Variants in TEAD1 observed in about 807,000 individuals in gnomAD.
TEAD1 encodes TEA domain transcription factor 1, also known as transcriptional enhancer factor TEF-1.
In TEAD1, 9 loss-of-function variants were observed where a neutral mutation model predicts 54.9. The ratio of observed to expected loss-of-function variants is 0.16; its 90% CI spans 0.10 to 0.29. The LOEUF (loss-of-function observed/expected upper bound fraction) is 0.29. Ranked by LOEUF, TEAD1 falls within the 10% of genes least tolerant of loss-of-function variation. The pLI is 1.00. For synonymous variants in TEAD1, 200 were observed against 187.8 expected (o/e 1.07, Z -0.53); for missense variants, 387 against 535.9 (o/e 0.72, Z 2.74).
At chr11:12,833,883 C>CA (rs1946831004) in intron 3 of TEAD1, among the ~76,000 whole-genome samples, 1 of 152,204 alleles carries the variant, frequency 6.6e-6, no homozygotes, top group Non-Finnish European at 1.5e-5. Flanking sequence ...TAGCTGCCCC[C>CA]TCCTTGTGTT....
At chr11:12,849,606 A>G (rs545109913) in intron 3 of TEAD1, among the ~76,000 whole-genome samples, 3 of 152,316 alleles carry the variant, frequency 2.0e-5, no homozygotes, top group Admixed American at 6.5e-5. Flanking sequence ...TTGTGTAGCT[A>G]TTGTTGTAGT....
chr11:12,781,216 A>G (rs1477358689), intron 3 of TEAD1, among the ~76,000 whole-genome samples: 1 of 152,248 alleles, frequency 6.6e-6, no homozygotes, highest in Non-Finnish European at 1.5e-5. Flanking sequence ...AAAAGCTATG[A>G]TTATGAAACT....
intron 10 of TEAD1, among the ~76,000 whole-genome samples, chr11:12,903,807 G>T (rs1227677039): frequency 6.6e-6 from 1 of 151,926 alleles, no homozygotes; most frequent in Non-Finnish European, 1.5e-5. Context: ...GCAAGACCCT[G>T]TTCCAAAAAA....
intron 5 of TEAD1, among the ~76,000 whole-genome samples, chr11:12,870,835 G>A (rs922405500): frequency 2.6e-5 from 4 of 152,130 alleles, no homozygotes; most frequent in African/African-American, 4.8e-5. Flanking sequence ...GCAGTGAGCC[G>A]AGATTGTACT....
intron 3 of TEAD1, among the ~76,000 whole-genome samples, chr11:12,792,355 T>TTAAA (rs780585246): frequency 1.0e-5 from 1 of 98,658 alleles, no homozygotes; most frequent in Non-Finnish European, 2.1e-5. Context: ...GGGAAAATAG[T>TTAAA]AAAAAAAAAA....
At chr11:12,688,421 G>T (rs1457685356) in intron 2 of TEAD1, among the ~76,000 whole-genome samples, 1 of 152,184 alleles carries the variant, frequency 6.6e-6, no homozygotes, top group African/African-American at 2.4e-5. Flanking sequence ...GTGTCTCTCA[G>T]CTAAAAGGTG....
At chr11:12,884,230 C>G (rs1427994375) in intron 9 of TEAD1, among the ~76,000 whole-genome samples, 1 of 152,126 alleles carries the variant, frequency 6.6e-6, no homozygotes, top group East Asian at 1.9e-4. Flanking sequence ...GCCCCGTACC[C>G]TTTCTTCACA....
At chr11:12,909,985 G>A (rs1356304598) in intron 10 of TEAD1, among the ~76,000 whole-genome samples, 2 of 152,208 alleles carry the variant, frequency 1.3e-5, no homozygotes, top group African/African-American at 4.8e-5. Flanking sequence ...ATCAGGTGCT[G>A]TGTAGGCTCT....
intron 3 of TEAD1, among the ~76,000 whole-genome samples, chr11:12,853,120 A>C (rs1947307214): frequency 6.6e-6 from 1 of 152,114 alleles, no homozygotes; most frequent in South Asian, 2.1e-4. Context: ...CACATGTTTC[A>C]GGCACGTTTC....
At chr11:12,795,308 C>T (rs1178436604) in intron 3 of TEAD1, among the ~76,000 whole-genome samples, 1 of 152,190 alleles carries the variant, frequency 6.6e-6, no homozygotes, top group Non-Finnish European at 1.5e-5. Flanking sequence ...ACTAAGGGAT[C>T]GCCCTACTCC....
chr11:12,895,205 C>CCG (rs1564981204), intron 9 of TEAD1, among the ~76,000 whole-genome samples: 1 of 152,120 alleles, frequency 6.6e-6, no homozygotes, highest in African/African-American at 2.4e-5. Flanking sequence ...ATTAACCCCC[C>CCG]CCGGGTATCT....
chr11:12,777,623 G>A (rs1203187010), intron 3 of TEAD1, among the ~76,000 whole-genome samples: 2 of 152,182 alleles, frequency 1.3e-5, no homozygotes, highest in Non-Finnish European at 2.9e-5. Flanking sequence ...AAATATTGGG[G>A]ATGATGACAT....
chr11:12,776,255 A>G lies in TEAD1; in HGVS notation c.202+11821A>G, dbSNP rs574597548. ...CGCATAATTCCAACATTCATGTATT[A>G]TGGTAAGATGGTGATGGGAGAGAGA... On this transcript the variant is annotated intron_variant, in intron 3 of 12. Transcript: ENST00000527636. Among the ~76,000 whole-genome samples the G allele has an allele frequency of 2.0e-5, 3 of 152,322 alleles. No individual in the cohort carries two copies. The South Asian group carries it at 6.2e-4, about 32-fold the overall frequency.
intron 2 of TEAD1, among the ~76,000 whole-genome samples, chr11:12,728,231 C>T (rs1944351419): frequency 6.6e-6 from 1 of 152,178 alleles, no homozygotes; most frequent in Non-Finnish European, 1.5e-5. Context: ...GTTGTAGCTG[C>T]CTGGAGTGCA....
intron 2 of TEAD1, among the ~76,000 whole-genome samples, chr11:12,693,782 T>G (rs918703640): frequency 6.6e-6 from 1 of 152,244 alleles, no homozygotes; most frequent in Non-Finnish European, 1.5e-5. Context: ...CAGAAACATA[T>G]TAAAAGCAGT....
chr11:12,904,633 T>G (rs1475064473), intron 10 of TEAD1, among the ~76,000 whole-genome samples: 1 of 152,222 alleles, frequency 6.6e-6, no homozygotes, highest in East Asian at 1.9e-4. Context: ...GTCTCACTAA[T>G]TTTTTAAAAA....
chr11:12,815,657 A>C (rs1946399536), intron 3 of TEAD1, among the ~76,000 whole-genome samples: 1 of 152,218 alleles, frequency 6.6e-6, no homozygotes, highest in South Asian at 2.1e-4. Context: ...GATTGGACTA[A>C]ATTGTAATCT....
At chr11:12,911,381 G>C (rs1948614997) in intron 10 of TEAD1, among the ~76,000 whole-genome samples, 1 of 152,288 alleles carries the variant, frequency 6.6e-6, no homozygotes, top group Non-Finnish European at 1.5e-5. Flanking sequence ...ACCTGAGTCT[G>C]TCATTTGGAA....
chr11:12,690,337 G>A lies in TEAD1; in HGVS notation c.-55+14776G>A, dbSNP rs1472221361. On this transcript the variant is annotated intron_variant, in intron 2 of 12. Coordinates refer to ENST00000527636, the MANE Select transcript of TEAD1 (RefSeq NM_021961.6). ...ATTGTCTCATAAATGTTTTTTCATA[G>A]TTGGCTGGTCTAGATGAGGGTCCCA... is the stretch of plus-strand genomic sequence containing the variant. 6.6e-5 allele frequency among the ~76,000 whole-genome samples: 10 copies of A among 151,172 alleles called. No homozygotes were observed. The East Asian group carries it at 1.7e-3, about 26-fold the overall frequency.
Sources: allele counts gnomAD v4.1 joint callset (sites outside exome capture counted in the v4.1 genomes callset), GRCh38; gene constraint gnomAD v4.1.1; transcripts MANE v1.5; gene names NCBI Gene and HGNC (gene_info 2026-07-23, HGNC 2026-07-21).